Variants in XIRP2 observed in about 807,000 individuals in gnomAD.
XIRP2 encodes the protein xin actin binding repeat containing 2.
Under a neutral mutation model 277.0 loss-of-function variants are expected in XIRP2, and 236 were observed. The ratio of observed to expected loss-of-function variants is 0.85; its 90% CI spans 0.77 to 0.95. XIRP2 has a LOEUF of 0.95. Ranked by LOEUF, XIRP2 falls within the 40% of genes least tolerant of loss-of-function variation. The pLI is 0.00. For missense variants in XIRP2, 4,640 were observed against 4,157.5 expected, an observed-to-expected ratio of 1.12 and a Z score of -3.19; for synonymous variants, 1,490 against 1,416.5, an observed-to-expected ratio of 1.05 and a Z score of -1.17.
intron 2 of XIRP2, among the ~76,000 whole-genome samples, chr2:166,987,688 A>C (rs1325481900): frequency 6.6e-6 from 1 of 152,208 alleles, no homozygotes; most frequent in African/African-American, 2.4e-5. Context: ...ATCAGAGTTT[A>C]ACATGCTTAA....
At chr2:166,895,724 CTGACTTAGCATGCA>C (rs1389924010) in intron 1 of XIRP2, among the ~76,000 whole-genome samples, 4 of 152,146 alleles carry the variant, frequency 2.6e-5, no homozygotes, top group Non-Finnish European at 5.9e-5. Flanking sequence ...TACCCAGATT[CTGACTTAGCATGCA>C]ATTCTCTGAA....
At chr2:167,115,662 T>G (rs940422233) in intron 2 of XIRP2, among the ~76,000 whole-genome samples, 4 of 152,158 alleles carry the variant, frequency 2.6e-5, no homozygotes, top group African/African-American at 9.6e-5. Flanking sequence ...TCACATTGCT[T>G]TTTTTGGATG....
At chr2:167,095,602 G>T (rs993634767) in intron 2 of XIRP2, among the ~76,000 whole-genome samples, 16 of 152,198 alleles carry the variant, frequency 1.1e-4, no homozygotes, top group Admixed American at 2.0e-4. Flanking sequence ...TTCTGTTTAT[G>T]TGATGGATTA....
chr2:166,924,452 G>A (rs1685133193), intron 2 of XIRP2, among the ~76,000 whole-genome samples: 1 of 151,802 alleles, frequency 6.6e-6, no homozygotes, highest in African/African-American at 2.4e-5. Context: ...GATAACAAGT[G>A]TATCATTTTT....
intron 3 of XIRP2, among the ~76,000 whole-genome samples, chr2:167,184,022 G>A (rs1490998347): frequency 6.6e-6 from 1 of 152,128 alleles, no homozygotes; most frequent in African/African-American, 2.4e-5. Context: ...AGGTTTTTCA[G>A]CTTGGCTATT....
chr2:166,930,755 C>T (rs565767841), intron 2 of XIRP2, among the ~76,000 whole-genome samples: 4 of 152,176 alleles, frequency 2.6e-5, no homozygotes, highest in African/African-American at 9.6e-5. Flanking sequence ...TGAAATTCTG[C>T]TTTTTTCCTG....
At chr2:167,122,524 T>C (rs1473774777) in intron 2 of XIRP2, among the ~76,000 whole-genome samples, 6 of 152,022 alleles carry the variant, frequency 3.9e-5, no homozygotes, top group Non-Finnish European at 8.8e-5. Flanking sequence ...GAATGAAAAA[T>C]GTGTAGCAGT....
chr2:166,947,762 C>T (rs1685916899), intron 2 of XIRP2, among the ~76,000 whole-genome samples: 1 of 152,064 alleles, frequency 6.6e-6, no homozygotes, highest in Non-Finnish European at 1.5e-5. Context: ...TTGGTATTTA[C>T]CCAAAGACGC....
At chr2:167,102,060 C>G (rs1690501138) in intron 2 of XIRP2, among the ~76,000 whole-genome samples, 1 of 152,098 alleles carries the variant, frequency 6.6e-6, no homozygotes, top group African/African-American at 2.4e-5. Context: ...CTAGGTTTCT[C>G]AAGTGCAAAT....
intron 3 of XIRP2, among the ~76,000 whole-genome samples, chr2:167,200,791 G>A (rs193205534): frequency 6.6e-6 from 1 of 152,208 alleles, no homozygotes; most frequent in Admixed American, 6.5e-5. Context: ...CTGGGAAGTA[G>A]ATGTTTATAG....
chr2:167,114,436 T>C (rs1262669308), intron 2 of XIRP2, among the ~76,000 whole-genome samples: 1 of 152,024 alleles, frequency 6.6e-6, no homozygotes, highest in Non-Finnish European at 1.5e-5. Flanking sequence ...GGTTCCATTA[T>C]GCAATTCTTT....
intron 2 of XIRP2, among the ~76,000 whole-genome samples, chr2:166,984,298 A>G (rs1686945964): frequency 6.6e-6 from 1 of 152,170 alleles, no homozygotes; most frequent in Non-Finnish European, 1.5e-5. Flanking sequence ...TTGTGGGATT[A>G]TCTGGTTTAT....
At chr2:167,026,563 AT>A (rs1040970285) in intron 2 of XIRP2, among the ~76,000 whole-genome samples, 18 of 152,174 alleles carry the variant, frequency 1.2e-4, no homozygotes, top group Admixed American at 1.0e-3. Context: ...TGGTCTTTAC[AT>A]TTTGGCATGT....
At chr2:167,143,171 C>G (rs544229103) in intron 3 of XIRP2, among the ~76,000 whole-genome samples, 1 of 152,170 alleles carries the variant, frequency 6.6e-6, no homozygotes, top group Non-Finnish European at 1.5e-5. Context: ...TGGACCTGCC[C>G]CTGTGCTTGG....
At chr2:166,913,736 T>G (rs1272948886) in intron 2 of XIRP2, among the ~76,000 whole-genome samples, 1 of 152,182 alleles carries the variant, frequency 6.6e-6, no homozygotes, top group African/African-American at 2.4e-5. Flanking sequence ...AAATAGATAC[T>G]AGGAGAAGAA....
chr2:166,953,237 C>A (rs1574110059), intron 2 of XIRP2, among the ~76,000 whole-genome samples: 1 of 151,820 alleles, frequency 6.6e-6, no homozygotes, highest in Non-Finnish European at 1.5e-5. Flanking sequence ...TTGGCTGTTT[C>A]CCCACCCAAA....
chr2:167,117,414 C>G (rs1322385609), intron 2 of XIRP2, among the ~76,000 whole-genome samples: 1 of 152,148 alleles, frequency 6.6e-6, no homozygotes, highest in African/African-American at 2.4e-5. Context: ...CAAATGCGAC[C>G]TTTGTTTAGT....
chr2:167,137,706 A>C (rs1281884062), intron 3 of XIRP2, among the ~76,000 whole-genome samples: 1 of 152,224 alleles, frequency 6.6e-6, no homozygotes, highest in Non-Finnish European at 1.5e-5. Flanking sequence ...CCTCAAATAC[A>C]CATTTCCAGG....
At chr2:166,892,573 C>T (rs140208917) in intron 1 of XIRP2, among the ~76,000 whole-genome samples, 3 of 152,192 alleles carry the variant, frequency 2.0e-5, no homozygotes, top group African/African-American at 7.2e-5. Context: ...TAAACACCCT[C>T]CTGCAGAGCT....
Sources: allele counts gnomAD v4.1 joint callset (sites outside exome capture counted in the v4.1 genomes callset), GRCh38; gene constraint gnomAD v4.1.1; transcripts MANE v1.5; gene names NCBI Gene and HGNC (gene_info 2026-07-23, HGNC 2026-07-21).